PPP1R3E: variants seen among roughly 807,000 people sequenced by gnomAD.
The protein encoded by PPP1R3E is protein phosphatase 1 regulatory subunit 3E, also known as protein phosphatase 1, regulatory (inhibitor) subunit 3E.
Under a neutral mutation model 18.5 loss-of-function variants are expected in PPP1R3E, and 20 were observed. The observed-to-expected ratio is 1.08, with a 90% CI of 0.76 to 1.58. PPP1R3E has a LOEUF of 1.58. Among genes scored for constraint, PPP1R3E ranks in the 40% most tolerant of loss-of-function variants. PPP1R3E has a pLI of 0.00. For missense variants in PPP1R3E, 498 were observed against 460.2 expected (o/e 1.08, Z -0.75); for synonymous variants, 208 against 208.1 (o/e 1.00, Z 0.00).
At chr14:23,301,960 C>G in intron 1 of PPP1R3E, 102 bp from the exon 2 acceptor site, 1 of 1,306,814 alleles carries the variant, frequency 7.7e-7, no homozygotes, top group South Asian at 1.8e-5. Flanking sequence ...GAGGCCGACC[C>G]CGGCGTCCAG....
At chr14:23,301,993 G>T in intron 1 of PPP1R3E, 135 bp from the exon 2 acceptor site, 1 of 1,247,242 alleles carries the variant, frequency 8.0e-7, no homozygotes, top group Non-Finnish European at 1.0e-6. Context: ...CGGCCCAGCT[G>T]CCAGGGTGGC....
At chr14:23,300,230 T>C (rs144490437) in intron 3 of PPP1R3E, 4,089 of 152,104 alleles carry the variant, frequency 0.027, 88 homozygotes, top group Middle Eastern at 0.048. Flanking sequence ...GGGCTGAAGG[T>C]TGGTTATGGG....
At chr14:23,302,080 C>G in intron 1 of PPP1R3E, 80 bp downstream of exon 1, 3 of 1,354,378 alleles carry the variant, frequency 2.2e-6, no homozygotes, top group Admixed American at 3.5e-5. Context: ...GATGGGTGCT[C>G]TTTGGCAAAT....
In PPP1R3E at chr14:23,302,261, G is replaced by C; in HGVS notation, c.316C>G (p.Pro106Ala). Residue 106 changes from proline (P) to alanine (A), a missense_variant, in exon 1 of 5, where the codon CCC (proline) becomes GCC (alanine). Pro to Ala is a conservative substitution (Grantham distance 27). Transcript: ENST00000452015. The part of the protein sequence containing the change: ...LELAVVRRFR[P>A]GELPRVPRHV... ...CGGGGCACCCGGGGCAGCTCACCGG[G>C]ACGGAAGCGGCGCACGACAGCCAGC... The C allele has an allele frequency of 6.6e-7, 1 of 1,520,960 alleles. No individual in the cohort carries two copies. Among genetic ancestry groups the C allele is most frequent in the Non-Finnish European group, 8.8e-7 (1 of 1,141,902 alleles). 94.2% of individuals were successfully genotyped at this position (1,520,960 alleles called of 1,614,324 possible). A position where few individuals can be genotyped will look rare whatever the true frequency, so the allele number is the denominator to read the frequency against.
In PPP1R3E at chr14:23,298,413, G is replaced by A. The variant is rs898686957; in HGVS notation, c.*891C>T. 3.3e-5 allele frequency: 5 copies of A among 152,338 alleles called. No individual in the cohort carries two copies. The highest frequency in any genetic ancestry group is 7.3e-5 in the Non-Finnish European group (5 of 68,212). 9.4% of individuals were successfully genotyped at this position (152,338 alleles called of 1,614,324 possible). On this transcript the variant is annotated 3_prime_UTR_variant, in exon 5 of 5. Coordinates refer to ENST00000452015, the MANE Select transcript of PPP1R3E (RefSeq NM_001276318.2). ...TACTTCTGCCATTTACTAGCTGTGC[G>A]ATCTTGAACAAATTTCTGAGCTTCT...
intron 3 of PPP1R3E, 125 bp downstream of exon 3, chr14:23,300,633 T>G (rs1045689848): frequency 6.6e-6 from 1 of 152,406 alleles, no homozygotes; most frequent in Non-Finnish European, 1.5e-5. Flanking sequence ...GCTGGCATTT[T>G]CCTGGAAGCC....
At position 23,301,669 on chromosome 14, in the gene PPP1R3E, C is replaced by A. The variant is rs1401768823; in HGVS notation, c.607G>T (p.Glu203Ter). ...WSADGWRSQR[E>*]APAAYAGPAP... ...GGACCGGCGTAGGCGGCTGGCGCCT[C>A]GCGTTGGCTCCGCCAGCCGTCGGCG... Residue 203 changes from glutamate to a stop codon, truncating the protein, a stop_gained, in exon 2 of 5, where the codon GAG (glutamate) becomes TAG (stop). Coordinates refer to ENST00000452015, the MANE Select transcript of PPP1R3E (RefSeq NM_001276318.2). LOFTEE classifies it high-confidence loss of function. 2.3e-6 allele frequency: 3 copies of A among 1,314,050 alleles called. No individual in the cohort carries two copies. The highest frequency in any genetic ancestry group is 7.6e-5 in the Admixed American group (2 of 26,258). 81.4% of individuals were successfully genotyped at this position (1,314,050 alleles called of 1,614,324 possible). A position where few individuals can be genotyped will look rare whatever the true frequency, so the allele number is the denominator to read the frequency against.
Position 23,301,412 on chromosome 14 carries a change from G to C in PPP1R3E, c.*24C>G. On this transcript the variant is annotated 3_prime_UTR_variant, in exon 2 of 5. Transcript: ENST00000452015. ...CCCCCGGGTGCCTTTGGTGTTTTCC[G>C]CCGTCGGCCGCAGGCGCCTCGTCTC... The C allele has an allele frequency of 7.4e-7, 1 of 1,357,214 alleles. No individual in the cohort carries two copies. Among genetic ancestry groups the C allele is most frequent in the Non-Finnish European group, 9.5e-7 (1 of 1,051,156 alleles). 84.1% of individuals were successfully genotyped at this position (1,357,214 alleles called of 1,614,324 possible). A position where few individuals can be genotyped will look rare whatever the true frequency, so the allele number is the denominator to read the frequency against.
Position 23,296,812 on chromosome 14 carries a change from A to C in PPP1R3E, c.*2492T>G, listed in dbSNP as rs1886892830. Reference sequence around the variant, plus strand: ...CCAGGAACCAATGACGTCGGAAGAGAAGCCTTTTCATGTCTGATTCTATGA... The same window carrying C: ...CCAGGAACCAATGACGTCGGAAGAGCAGCCTTTTCATGTCTGATTCTATGA... On this transcript the variant is annotated 3_prime_UTR_variant, in exon 5 of 5. Transcript: ENST00000452015. 6.6e-6 allele frequency: 1 copy of C among 152,222 alleles called. No homozygotes were observed. Among genetic ancestry groups the C allele is most frequent in the South Asian group, 2.1e-4 (1 of 4,826 alleles). The allele number at this position is 152,222 out of a possible 1,614,324, so 9.4% of individuals were successfully genotyped here.
rs1410712021 is a variant in PPP1R3E, at chr14:23,296,564, G to A, written c.*2740C>T. The A allele has an allele frequency of 1.3e-5, 2 of 152,106 alleles. No homozygotes were observed. The highest frequency in any genetic ancestry group is 2.9e-5 in the Non-Finnish European group (2 of 68,114). The allele number at this position is 152,106 out of a possible 1,614,324, so 9.4% of individuals were successfully genotyped here. ...AGGGTCCCACTATGTTGCTCAGACT[G>A]GTCTCGAACTCCTGGGCTCAAGCAA... On this transcript the variant is annotated 3_prime_UTR_variant, in exon 5 of 5. Coordinates refer to ENST00000452015, the MANE Select transcript of PPP1R3E (RefSeq NM_001276318.2).
chr14:23,301,840 C>A lies in PPP1R3E; in HGVS notation c.436G>T (p.Glu146Ter). The change falls in exon 2 of 5, where the codon GAG (glutamate) becomes TAG (stop). Residue 146 changes from glutamate to a stop codon, truncating the protein, a stop_gained. Transcript: ENST00000452015. LOFTEE classifies it high-confidence loss of function. Reference sequence around the variant, plus strand: ...GCGAAGCCGGGCTCGCTGGCCGGCTCCAGGGCGGCGCGCGCCTCCTGGGGG... The same window carrying A: ...GCGAAGCCGGGCTCGCTGGCCGGCTACAGGGCGGCGCGCGCCTCCTGGGGG... ...RGLQEARAAL[E>*]PASEPGFAAR... is the part of the protein sequence containing the mutation. The A allele has an allele frequency of 6.8e-7, 1 of 1,463,234 alleles. No individual in the cohort carries two copies. Among genetic ancestry groups the A allele is most frequent in the Non-Finnish European group, 9.0e-7 (1 of 1,116,078 alleles). 90.6% of individuals were successfully genotyped at this position (1,463,234 alleles called of 1,614,324 possible).
Position 23,301,784 on chromosome 14 carries a change from C to T in PPP1R3E, c.492G>A (p.Leu164=). The T allele has an allele frequency of 6.8e-7, 1 of 1,463,686 alleles. No individual in the cohort carries two copies. Among genetic ancestry groups the T allele is most frequent in the Non-Finnish European group, 9.0e-7 (1 of 1,115,346 alleles). 90.7% of individuals were successfully genotyped at this position (1,463,686 alleles called of 1,614,324 possible). ...CCAGCGGGCCCGCCTCGGCGCGTTC[C>T]AGGCAGATGCGCTGCGTCAGCAAGC... The part of the protein sequence containing the change: ...AARLLTQRIC[L]ERAEAGPLGV... The change falls in exon 2 of 5, where the codon CTG becomes CTA. Residue 164 remains leucine, a synonymous_variant. Coordinates refer to ENST00000452015, the MANE Select transcript of PPP1R3E (RefSeq NM_001276318.2).
Position 23,302,354 on chromosome 14 carries a change from G to A in PPP1R3E, c.223C>T (p.Arg75Trp). The change falls in exon 1 of 5, where the codon CGG becomes TGG. Residue 75 changes from arginine to tryptophan, a missense_variant. Physicochemically the swap from Arg to Trp is moderately radical, Grantham distance 101. Transcript: ENST00000452015. ...RSAPAGGGGA[R>W]APRSRSPDTR... Reference sequence around the variant, plus strand: ...TCTGGGCTACGGCTGCGGGGCGCCCGGGCCCCGCCGCCTCCGGCTGGTGCA... The same window carrying A: ...TCTGGGCTACGGCTGCGGGGCGCCCAGGCCCCGCCGCCTCCGGCTGGTGCA... The A allele has an allele frequency of 6.7e-7, 1 of 1,498,488 alleles. No individual in the cohort carries two copies. The highest frequency in any genetic ancestry group is 8.8e-7 in the Non-Finnish European group (1 of 1,134,046). The allele number at this position is 1,498,488 out of a possible 1,614,324, so 92.8% of individuals were successfully genotyped here.
In PPP1R3E at chr14:23,297,756, G is replaced by C. The variant is rs896277731; in HGVS notation, c.*1548C>G. The stretch of plus-strand genomic sequence containing the variant: ...CAACTAACAGCTTACCGAAGCCCTG[G>C]GGCAGCTTGATATGGGAATAATCAA... On this transcript the variant is annotated 3_prime_UTR_variant, in exon 5 of 5. Transcript: ENST00000452015. 1.3e-5 allele frequency: 2 copies of C among 152,196 alleles called. No individual in the cohort carries two copies. The highest frequency in any genetic ancestry group is 4.8e-5 in the African/African-American group (2 of 41,426). The allele number at this position is 152,196 out of a possible 1,614,324, so 9.4% of individuals were successfully genotyped here.
At chr14:23,302,064 G>GA in intron 1 of PPP1R3E, 96 bp downstream of exon 1, 1 of 1,316,246 alleles carries the variant, frequency 7.6e-7, no homozygotes, top group Non-Finnish European at 9.9e-7. Context: ...CCAGGGATGG[G>GA]ATGGAGATGG....
In PPP1R3E at chr14:23,301,628, C is replaced by T. The variant is rs887996425; in HGVS notation, c.648G>A (p.Pro216=). 9.4e-6 allele frequency: 13 copies of T among 1,390,242 alleles called. No individual in the cohort carries two copies. Among genetic ancestry groups the T allele is most frequent in the African/African-American group, 9.0e-5 (6 of 66,812 alleles). The allele number at this position is 1,390,242 out of a possible 1,614,324, so 86.1% of individuals were successfully genotyped here. ...GGCGGAAGGCGAAGCGGTCGGCGCG[C>T]GGCGGGGGCGGGGCCGGACCGGCGT... The part of the protein sequence containing the change: ...AAYAGPAPPP[P]RADRFAFRLP... The change falls in exon 2 of 5, where the codon CCG becomes CCA. Residue 216 remains proline (P), a synonymous_variant. Transcript: ENST00000452015.
In PPP1R3E at chr14:23,302,403, C is replaced by T. The variant is rs576717624; in HGVS notation, c.174G>A (p.Pro58=). The change falls in exon 1 of 5, where the codon CCG becomes CCA. Residue 58 remains proline, a synonymous_variant. Transcript: ENST00000452015. ...CAGATCGGGCCCGGCGGCCCCGACT[C>T]GGTGCGTGAGCGCGGGATCGGGCCC... ...RFGARSRAHA[P]SRGRRARSAP... The T allele has an allele frequency of 1.8e-5, 27 of 1,488,910 alleles. No individual in the cohort carries two copies. The African/African-American group carries it at 3.2e-4, about 18-fold the overall frequency. 92.2% of individuals were successfully genotyped at this position (1,488,910 alleles called of 1,614,324 possible).
At position 23,300,751 on chromosome 14, in the gene PPP1R3E, T is replaced by G. The variant is rs1292202197; in HGVS notation, c.*245+7A>C. The G allele has an allele frequency of 2.0e-5, 3 of 152,256 alleles. No homozygotes were observed. The highest frequency in any genetic ancestry group is 4.8e-5 in the African/African-American group (2 of 41,444). 9.4% of individuals were successfully genotyped at this position (152,256 alleles called of 1,614,324 possible). Reference sequence around the variant, plus strand: ...AGCTGCCTGGAGGCTGGAGCTCTGATAGCTACCTGTCATCACTCCCCAGCC... The same window carrying G: ...AGCTGCCTGGAGGCTGGAGCTCTGAGAGCTACCTGTCATCACTCCCCAGCC... On this transcript the variant is annotated splice_region_variant and intron_variant, in intron 3 of 4. Transcript: ENST00000452015.
rs543724027 is a variant in PPP1R3E at position 23,298,007 on chromosome 14, C to T, written c.*1297G>A. On this transcript the variant is annotated 3_prime_UTR_variant, in exon 5 of 5. Transcript: ENST00000452015. ...ATTAGGGGGTTTGCCTGTTCAAGGC[C>T]AGTGGGGGAAGAGGGAGGGAGGTGG... 5 of 152,220 alleles carry T rather than the reference C, an allele frequency of 3.3e-5. No homozygotes were observed. The highest frequency in any genetic ancestry group is 9.6e-5 in the African/African-American group (4 of 41,452). The allele number at this position is 152,220 out of a possible 1,614,324, so 9.4% of individuals were successfully genotyped here.
Sources: allele counts gnomAD v4.1 joint callset, GRCh38; gene constraint gnomAD v4.1.1; transcripts MANE v1.5; gene names NCBI Gene and HGNC (gene_info 2026-07-23, HGNC 2026-07-21).